The following NEMP2 variants were observed in gnomAD, a reference collection of about 807,000 sequenced individuals.
NEMP2 encodes UPF0571 transmembrane protein.
In NEMP2, 53 loss-of-function variants were observed where a neutral mutation model predicts 54.2. The observed-to-expected ratio is 0.98, with a 90% CI of 0.78 to 1.23. NEMP2 has a LOEUF of 1.23. NEMP2 is among the 50% of genes most tolerant of loss of function. The probability of loss-of-function intolerance (pLI) is 0.00; values close to 1 mark genes in which losing one functional copy is unlikely to be tolerated. For missense variants in NEMP2, 455 were observed against 511.3 expected, an observed-to-expected ratio of 0.89 and a Z score of 1.06; for synonymous variants, 197 against 190.3, an observed-to-expected ratio of 1.04 and a Z score of -0.29.
At chr2:190,462,119 G>T in the NEMP2 span, among the ~76,000 whole-genome samples, 5 of 152,058 alleles carry the variant, frequency 3.3e-5, no homozygotes, top group East Asian at 9.6e-4. The surrounding 1 kb of genome is among the most constrained non-coding windows in gnomAD (Gnocchi z 5.7). Flanking sequence ...TTTGCTGTCT[G>T]TCTCCTTCTT....
chr2:190,430,632 G>C, the NEMP2 span, among the ~76,000 whole-genome samples: 1 of 152,040 alleles, frequency 6.6e-6, no homozygotes, highest in South Asian at 2.1e-4. Context: ...GCAACCATCC[G>C]ATTTCTCAAT....
chr2:190,625,523 G>A, the NEMP2 span: 1 of 152,200 alleles, frequency 6.6e-6, no homozygotes, highest in Non-Finnish European at 1.5e-5. Context: ...TAAGAACACT[G>A]AATTGCACAC....
chr2:190,517,580 C>G lies in NEMP2; in HGVS notation c.552G>C (p.Val184=), dbSNP rs1217075968. The change falls in exon 5 of 9, where the codon GTG becomes GTC. Residue 184 remains valine, a synonymous_variant. Coordinates refer to ENST00000409150, the MANE Select transcript of NEMP2 (RefSeq NM_001142645.2). ...AGACTAATGTCATTAGAACACCTAG[C>G]ACAGTTCCCGAGGAGTAATAGAAAG... is the stretch of plus-strand genomic sequence containing the variant. ...SPTFYYSSGT[V]LGVLMTLVFV... The G allele has an allele frequency of 1.9e-5, 29 of 1,550,476 alleles. No individual in the cohort carries two copies. The highest frequency in any genetic ancestry group is 2.5e-5 in the Non-Finnish European group (29 of 1,146,524).
At position 190,512,349 on chromosome 2, in the gene NEMP2, G is replaced by A. The variant is rs1425601678; in HGVS notation, c.954-1812C>T. On this transcript the variant is annotated intron_variant, in intron 7 of 8. Transcript: ENST00000409150. The surrounding 1 kb of genome is among the most constrained non-coding windows in gnomAD (Gnocchi z 4.5). The stretch of plus-strand genomic sequence containing the variant: ...TTCTTAGCACTGTAAGTGGCCTATA[G>A]TAGGTGTTCAATAAGGATAATCAAA... 6.6e-6 allele frequency among the ~76,000 whole-genome samples: 1 copy of A among 152,176 alleles called. No individual in the cohort carries two copies. The highest frequency in any genetic ancestry group is 1.5e-5 in the Non-Finnish European group (1 of 68,030).
At chr2:190,540,246 C>T in the NEMP2 span, among the ~76,000 whole-genome samples, 2,085 of 151,340 alleles carry the variant, frequency 0.014, 51 homozygotes, top group African/African-American at 0.047. Flanking sequence ...TCGAACCATC[C>T]TTGCATTCCT....
chr2:190,533,967 C>T lies in NEMP2; in HGVS notation c.97+592G>A, dbSNP rs1691256641. The T allele has an allele frequency of 3.0e-6, 3 of 985,124 alleles. No individual in the cohort carries two copies. Among genetic ancestry groups the T allele is most frequent in the Non-Finnish European group, 3.6e-6 (3 of 829,744 alleles). 61.0% of individuals were successfully genotyped at this position (985,124 alleles called of 1,614,324 possible). ...CAGTTCTTGCTTCCTGTGTGCCAGG[C>T]ATTGTGCACACGAACACCACAAGAA... On this transcript the variant is annotated intron_variant, in intron 1 of 8. Transcript: ENST00000409150. The surrounding 1 kb of genome is among the most constrained non-coding windows in gnomAD (Gnocchi z 4.3).
chr2:190,597,971 C>A, the NEMP2 span, among the ~76,000 whole-genome samples: 6 of 152,076 alleles, frequency 3.9e-5, no homozygotes, highest in Non-Finnish European at 8.8e-5. The surrounding 1 kb of genome is among the most constrained non-coding windows in gnomAD (Gnocchi z 4.7). Flanking sequence ...CCATTTATAC[C>A]TCTAGGCTAG....
chr2:190,491,042 A>G, the NEMP2 span, among the ~76,000 whole-genome samples: 1 of 152,238 alleles, frequency 6.6e-6, no homozygotes, highest in Non-Finnish European at 1.5e-5. This position sits in a 1 kb window ranked among gnomAD's most constrained non-coding sequence, Gnocchi z 4.2. Context: ...AAGTTATAAG[A>G]TGTAGTTAAA....
At chr2:190,469,677 CATATT>C in the NEMP2 span, 3 of 759,092 alleles carry the variant, frequency 4.0e-6, no homozygotes, top group Non-Finnish European at 5.6e-6. This position sits in a 1 kb window ranked among gnomAD's most constrained non-coding sequence, Gnocchi z 5.3. Flanking sequence ...GTTTTGTACA[CATATT>C]AGATTGTATA....
the NEMP2 span, among the ~76,000 whole-genome samples, chr2:190,540,356 T>G: frequency 6.6e-6 from 1 of 151,634 alleles, no homozygotes; most frequent in African/African-American, 2.4e-5. Flanking sequence ...CGATCATGGG[T>G]CACTGCAGCC....
At chr2:190,565,921 A>T in the NEMP2 span, among the ~76,000 whole-genome samples, 4 of 152,322 alleles carry the variant, frequency 2.6e-5, no homozygotes, top group African/African-American at 9.6e-5. Context: ...TGAGAAAATT[A>T]ATTTCTGTTG....
chr2:190,489,946 G>A, the NEMP2 span: 3 of 1,213,728 alleles, frequency 2.5e-6, no homozygotes, highest in East Asian at 2.5e-5. This position sits in a 1 kb window ranked among gnomAD's most constrained non-coding sequence, Gnocchi z 6.6. Flanking sequence ...AAGCCTAGAA[G>A]TGGTACAGAG....
At chr2:190,443,795 C>T in the NEMP2 span, among the ~76,000 whole-genome samples, 13 of 152,268 alleles carry the variant, frequency 8.5e-5, no homozygotes, top group East Asian at 2.1e-3. This position sits in a 1 kb window ranked among gnomAD's most constrained non-coding sequence, Gnocchi z 4.2. Flanking sequence ...TGGCTCACAC[C>T]TATAATCCCA....
the NEMP2 span, among the ~76,000 whole-genome samples, chr2:190,540,909 C>T: frequency 6.6e-6 from 1 of 152,108 alleles, no homozygotes; most frequent in Admixed American, 6.5e-5. Context: ...TCTCATTATT[C>T]ATCATTGGTT....
chr2:190,577,248 T>C, the NEMP2 span, among the ~76,000 whole-genome samples: 1 of 152,208 alleles, frequency 6.6e-6, no homozygotes, highest in South Asian at 2.1e-4. The surrounding 1 kb of genome is among the most constrained non-coding windows in gnomAD (Gnocchi z 4.8). Flanking sequence ...TTACTCAATT[T>C]TTTTTAACAT....
rs1017070473 is a variant in NEMP2, at chr2:190,527,175, T to C, written c.98-1797A>G. ...CCTGACTCCTTTAAGGAAAGTGTGG[T>C]CAGTTGTTCCTCCTGAAAAACCTGA... On this transcript the variant is annotated intron_variant, in intron 1 of 8. Coordinates refer to ENST00000409150, the MANE Select transcript of NEMP2 (RefSeq NM_001142645.2). This position sits in a 1 kb window ranked among gnomAD's most constrained non-coding sequence, Gnocchi z 4.0. Among the ~76,000 whole-genome samples the C allele has an allele frequency of 6.6e-6, 1 of 152,160 alleles. No homozygotes were observed. Among genetic ancestry groups the C allele is most frequent in the South Asian group, 2.1e-4 (1 of 4,830 alleles).
Position 190,528,391 on chromosome 2 carries a change from G to C in NEMP2, c.98-3013C>G, listed in dbSNP as rs1001204249. Among the ~76,000 whole-genome samples, 1 of 152,050 alleles carries C rather than the reference G, an allele frequency of 6.6e-6. No homozygotes were observed. The highest frequency in any genetic ancestry group is 2.4e-5 in the African/African-American group (1 of 41,382). ...TGTTCTGCCTTTGCACAGCCTCCTCGGGGGGGTCTCTAAGCATGGCTAGAG... is the reference window on the plus strand; with the variant it reads ...TGTTCTGCCTTTGCACAGCCTCCTCCGGGGGGTCTCTAAGCATGGCTAGAG... On this transcript the variant is annotated intron_variant, in intron 1 of 8. Coordinates refer to ENST00000409150, the MANE Select transcript of NEMP2 (RefSeq NM_001142645.2). This position sits in a 1 kb window ranked among gnomAD's most constrained non-coding sequence, Gnocchi z 4.3.
the NEMP2 span, among the ~76,000 whole-genome samples, chr2:190,491,915 C>T: frequency 6.6e-6 from 1 of 151,986 alleles, no homozygotes; most frequent in Non-Finnish European, 1.5e-5. This position sits in a 1 kb window ranked among gnomAD's most constrained non-coding sequence, Gnocchi z 4.2. Flanking sequence ...AAAAATGATA[C>T]AAGAAGTGAG....
downstream of NEMP2, among the ~76,000 whole-genome samples, chr2:190,504,010 C>G (rs1559150946): frequency 6.6e-6 from 1 of 152,216 alleles, no homozygotes; most frequent in Admixed American, 6.5e-5. This position sits in a 1 kb window ranked among gnomAD's most constrained non-coding sequence, Gnocchi z 5.6. Flanking sequence ...TATAGGACCA[C>G]TTGTCCCCCA....
Sources: gnomAD v4.1 joint callset for allele counts (sites outside exome capture counted in the v4.1 genomes callset) on GRCh38, gnomAD v4.1.1 for gene constraint, Gnocchi (gnomAD v3.1) non-coding constraint, MANE v1.5 for transcripts, NCBI Gene and HGNC (gene_info 2026-07-23, HGNC 2026-07-21) for gene names.